Variants in NCAM1 observed in about 807,000 individuals in gnomAD.
NCAM1 encodes the protein neural cell adhesion molecule 1.
Under a neutral mutation model 109.8 loss-of-function variants are expected in NCAM1, and 14 were observed. That is an observed-to-expected ratio of 0.13 (90% confidence interval 0.08 to 0.20). The LOEUF (loss-of-function observed/expected upper bound fraction) is 0.20, where lower values mean the gene tolerates loss of function less well. Among genes scored for constraint, NCAM1 ranks in the 10% least tolerant of loss-of-function variants. The pLI is 1.00. For synonymous variants in NCAM1, 418 were observed against 442.9 expected (o/e 0.94, Z 0.70); for missense variants, 774 against 1,109.9 (o/e 0.70, Z 4.30).
intron 1 of NCAM1, among the ~76,000 whole-genome samples, chr11:113,090,189 C>G (rs1555089094): frequency 6.6e-6 from 1 of 152,130 alleles, no homozygotes; most frequent in African/African-American, 2.4e-5. Context: ...GTGCTGTGGA[C>G]TACTAGGTGA....
At chr11:113,239,556 A>G (rs936593093) in intron 14 of NCAM1, among the ~76,000 whole-genome samples, 1 of 123,720 alleles carries the variant, frequency 8.1e-6, no homozygotes, top group Non-Finnish European at 1.6e-5. Context: ...CCCAGGCTGG[A>G]GTGCAGTGGC....
intron 1 of NCAM1, among the ~76,000 whole-genome samples, chr11:113,143,493 A>G (rs1941903359): frequency 6.6e-6 from 1 of 152,234 alleles, no homozygotes; most frequent in Non-Finnish European, 1.5e-5. Flanking sequence ...CAGTCCATCA[A>G]CTGTAAATGT....
At chr11:113,048,735 C>T (rs1231695284) in intron 1 of NCAM1, among the ~76,000 whole-genome samples, 5 of 152,212 alleles carry the variant, frequency 3.3e-5, no homozygotes, top group Non-Finnish European at 5.9e-5. Context: ...CACATACCAG[C>T]TCAGTGATCT....
chr11:113,269,338 AG>A (rs1401983987), intron 17 of NCAM1, among the ~76,000 whole-genome samples: 1 of 152,192 alleles, frequency 6.6e-6, no homozygotes, highest in East Asian at 1.9e-4. Flanking sequence ...AGCCAGAACC[AG>A]GGTGCCAGGT....
intron 1 of NCAM1, among the ~76,000 whole-genome samples, chr11:113,029,823 G>A (rs1207795433): frequency 6.6e-6 from 1 of 152,130 alleles, no homozygotes; most frequent in Non-Finnish European, 1.5e-5. Flanking sequence ...AAACTGAGCT[G>A]GTAAGACTGG....
intron 1 of NCAM1, among the ~76,000 whole-genome samples, chr11:113,162,755 G>A (rs1447821306): frequency 2.0e-5 from 3 of 152,102 alleles, no homozygotes; most frequent in South Asian, 2.1e-4. Flanking sequence ...TGTTAGTTAC[G>A]GTCACGGGGC....
chr11:113,153,964 A>G (rs1459403298), intron 1 of NCAM1, among the ~76,000 whole-genome samples: 2 of 152,232 alleles, frequency 1.3e-5, no homozygotes, highest in Non-Finnish European at 2.9e-5. Flanking sequence ...ACAAATATTT[A>G]TTGAGCTTCT....
intron 1 of NCAM1, among the ~76,000 whole-genome samples, chr11:113,153,131 C>T (rs1211626451): frequency 1.3e-5 from 2 of 152,134 alleles, no homozygotes; most frequent in African/African-American, 4.8e-5. Context: ...CAACCTCCGC[C>T]TCCCGGGTTC....
chr11:113,207,164 G>T, intron 5 of NCAM1, 97 bp from the exon 6 acceptor site: 1 of 898,384 alleles, frequency 1.1e-6, no homozygotes. Context: ...TTGTCCCACA[G>T]GCTGAGAACT....
At chr11:112,972,825 G>C (rs960954607) in intron 1 of NCAM1, among the ~76,000 whole-genome samples, 8 of 152,072 alleles carry the variant, frequency 5.3e-5, no homozygotes, top group Non-Finnish European at 1.2e-4. Context: ...CTGAGGAAGA[G>C]CTGATGTCCA....
intron 14 of NCAM1, among the ~76,000 whole-genome samples, chr11:113,245,527 G>C (rs1555120003): frequency 6.6e-6 from 1 of 152,216 alleles, no homozygotes. Context: ...AGTTTCTGCT[G>C]TTTAGTGTCA....
chr11:113,118,736 G>A lies in NCAM1; in HGVS notation c.53-83643G>A, dbSNP rs911141046. The stretch of plus-strand genomic sequence containing the variant: ...ACCTGTGAGTCTATGGAAGACAAAC[G>A]AATCTATACAGAAAAAAATTCAGAA... On this transcript the variant is annotated intron_variant, in intron 1 of 19. Transcript: ENST00000316851. 7.1e-4 allele frequency among the ~76,000 whole-genome samples: 80 copies of A among 113,118 alleles called. 1 individual carries two copies. Among genetic ancestry groups the A allele is most frequent in the African/African-American group, 2.3e-3 (65 of 28,328 alleles). 74.2% of individuals were successfully genotyped at this position (113,118 alleles called of 152,430 possible).
Position 113,233,866 on chromosome 11 carries a change from G to A in NCAM1, c.1693+549G>A, listed in dbSNP as rs905317763. 6.6e-5 allele frequency among the ~76,000 whole-genome samples: 10 copies of A among 152,336 alleles called. No homozygotes were observed. Among genetic ancestry groups the A allele is most frequent in the Admixed American group, 6.5e-4 (10 of 15,304 alleles). ...GATTACTGCAGTGTGAAGATTCTGA[G>A]CCCAGATCATCTGAGGATAATGTGT... On this transcript the variant is annotated intron_variant, in intron 13 of 19. Coordinates refer to ENST00000316851, the MANE Select transcript of NCAM1 (RefSeq NM_181351.5). The surrounding 1 kb of genome is among the most constrained non-coding windows in gnomAD (Gnocchi z 4.5).
At chr11:113,216,399 G>A (rs1487062151) in intron 8 of NCAM1, among the ~76,000 whole-genome samples, 2 of 151,966 alleles carry the variant, frequency 1.3e-5, no homozygotes, top group African/African-American at 2.4e-5. Context: ...TGATCCGCCC[G>A]CCTCGGCCTC....
chr11:113,270,651 C>A, intron 18 of NCAM1: 1 of 515,444 alleles, frequency 1.9e-6, no homozygotes, highest in African/African-American at 1.9e-5. Flanking sequence ...TGTGAAAATC[C>A]CTGTGTAGGT....
At chr11:113,065,729 G>A (rs782602506) in intron 1 of NCAM1, among the ~76,000 whole-genome samples, 35 of 152,160 alleles carry the variant, frequency 2.3e-4, no homozygotes, top group Non-Finnish European at 4.3e-4. Flanking sequence ...GACATGTGAG[G>A]AACTTAAGGA....
At chr11:113,153,431 G>C (rs547784651) in intron 1 of NCAM1, among the ~76,000 whole-genome samples, 2 of 150,480 alleles carry the variant, frequency 1.3e-5, no homozygotes, top group Admixed American at 1.3e-4. Context: ...GCAGTGGGGA[G>C]GGGGGGCACA....
intron 1 of NCAM1, among the ~76,000 whole-genome samples, chr11:113,144,454 C>T (rs1941940704): frequency 3.3e-5 from 5 of 152,066 alleles, no homozygotes; most frequent in Admixed American, 3.3e-4. Flanking sequence ...CAGAATAGTC[C>T]ATTCTGTGAC....
At position 113,270,066 on chromosome 11, in the gene NCAM1, T is replaced by C. The variant is rs567615089; in HGVS notation, c.2132-122T>C. 1.3e-5 allele frequency: 12 copies of C among 904,238 alleles called. 1 individual carries two copies. The highest frequency in any genetic ancestry group is 1.2e-4 in the South Asian group (8 of 68,234). 56.0% of individuals were successfully genotyped at this position (904,238 alleles called of 1,614,324 possible). A position where few individuals can be genotyped will look rare whatever the true frequency, so the allele number is the denominator to read the frequency against. ...GAAGGTCCCCAGGAAGGTGTCACTCTGGGCATGAATGCCATGACTCTGTCC... is the reference window on the plus strand; with the variant it reads ...GAAGGTCCCCAGGAAGGTGTCACTCCGGGCATGAATGCCATGACTCTGTCC... On this transcript the variant is annotated intron_variant, in intron 17 of 19. Coordinates refer to ENST00000316851, the MANE Select transcript of NCAM1 (RefSeq NM_181351.5).
Sources: gnomAD v4.1 joint callset for allele counts (sites outside exome capture counted in the v4.1 genomes callset) on GRCh38, gnomAD v4.1.1 for gene constraint, Gnocchi (gnomAD v3.1) non-coding constraint, MANE v1.5 for transcripts, NCBI Gene and HGNC (gene_info 2026-07-23, HGNC 2026-07-21) for gene names.